Variants in ACSM6 observed in about 807,000 individuals in gnomAD.
ACSM6 encodes the protein acyl-coenzyme A synthetase ACSM6, mitochondrial.
A neutral mutation model predicts 51.1 loss-of-function variants in ACSM6; 35 were observed. The ratio of observed to expected loss-of-function variants is 0.69; its 90% confidence interval spans 0.52 to 0.91. ACSM6 has a LOEUF of 0.91. Among genes scored for constraint, ACSM6 ranks in the 40% least tolerant of loss-of-function variants. The pLI is 0.00. For synonymous variants in ACSM6, 172 were observed against 207.3 expected, an observed-to-expected ratio of 0.83 and a Z score of 1.46; for missense variants, 509 against 584.1, an observed-to-expected ratio of 0.87 and a Z score of 1.32.
At chr10:95,217,342 A>C (rs1199333628) in intron 8 of ACSM6, among the ~76,000 whole-genome samples, 4 of 116,152 alleles carry the variant, frequency 3.4e-5, no homozygotes, top group Non-Finnish European at 7.8e-5. Context: ...GTGAGACTCC[A>C]TCTCAAAAAA....
At chr10:95,204,318 G>A (rs552864877) in intron 3 of ACSM6, among the ~76,000 whole-genome samples, 1 of 152,280 alleles carries the variant, frequency 6.6e-6, no homozygotes, top group African/African-American at 2.4e-5. Flanking sequence ...TTGGGAGGCC[G>A]AGGTGGGAGG....
intron 5 of ACSM6, 32 bp from the exon 6 acceptor site, chr10:95,211,846 A>C: frequency 6.4e-7 from 1 of 1,562,654 alleles, no homozygotes; most frequent in Non-Finnish European, 8.6e-7. Context: ...CCAGCACGAG[A>C]GAATTCAAAT....
chr10:95,204,983 T>C lies in ACSM6; in HGVS notation c.404-2225T>C, dbSNP rs75925395. ...TGTGAGATCTGTCTGTGTGATTACA[T>C]CTGATGTGCCCTTTTGGTGGCATCC... On this transcript the variant is annotated intron_variant, in intron 3 of 10. Transcript: ENST00000341686. Among the ~76,000 whole-genome samples the C allele has an allele frequency of 3.9e-5, 6 of 152,336 alleles. No homozygotes were observed. The East Asian group carries it at 1.2e-3, about 29-fold the overall frequency.
At chr10:95,197,249 G>A (rs991105714) in intron 2 of ACSM6, among the ~76,000 whole-genome samples, 1 of 152,186 alleles carries the variant, frequency 6.6e-6, no homozygotes, top group Non-Finnish European at 1.5e-5. Flanking sequence ...GGTGGGACGA[G>A]AGACTGAGAA....
intron 3 of ACSM6, among the ~76,000 whole-genome samples, chr10:95,206,732 AG>A (rs2034842148): frequency 1.3e-5 from 2 of 152,202 alleles, no homozygotes; most frequent in South Asian, 4.1e-4. Flanking sequence ...GGTCCACAAT[AG>A]GTGTTCTATG....
chr10:95,211,901 C>A (rs1165252394), exon 6 of ACSM6: 3 of 1,610,198 alleles, frequency 1.9e-6, no homozygotes, highest in Non-Finnish European at 1.7e-6. Context: ...CTCCAGCCAA[C>A]AGATGTCTTG....
At chr10:95,204,766 G>A (rs1378013761) in intron 3 of ACSM6, among the ~76,000 whole-genome samples, 2 of 151,888 alleles carry the variant, frequency 1.3e-5, no homozygotes, top group African/African-American at 4.8e-5. Flanking sequence ...ATATAGGTGA[G>A]TACATAAACT....
chr10:95,212,984 T>A, intron 7 of ACSM6, 44 bp downstream of exon 7: 1 of 1,497,962 alleles, frequency 6.7e-7, no homozygotes, highest in Non-Finnish European at 9.3e-7. Flanking sequence ...CCACTCATGG[T>A]ACCATAAATA....
At chr10:95,214,706 G>C (rs2034926370) in intron 7 of ACSM6, 146 bp from the exon 8 acceptor site, 3 of 825,824 alleles carry the variant, frequency 3.6e-6, no homozygotes, top group Admixed American at 5.6e-5. Flanking sequence ...TTATCTAATA[G>C]AGTAGTATTA....
At chr10:95,228,436 A>G (rs917942918) in intron 10 of ACSM6, 2 of 443,920 alleles carry the variant, frequency 4.5e-6, no homozygotes, top group South Asian at 3.8e-5. Flanking sequence ...TCTAGCTGGG[A>G]CAAAAAAAAA....
intron 6 of ACSM6, among the ~76,000 whole-genome samples, chr10:95,212,534 C>G (rs1564589445): frequency 6.6e-6 from 1 of 152,162 alleles, no homozygotes; most frequent in Non-Finnish European, 1.5e-5. Flanking sequence ...CACAATTTTG[C>G]TGGCAACATC....
intron 9 of ACSM6, 105 bp from the exon 10 acceptor site, chr10:95,225,185 C>T (rs930882683): frequency 3.7e-6 from 3 of 813,428 alleles, no homozygotes; most frequent in Non-Finnish European, 5.9e-6. Context: ...ACTTTCCTGG[C>T]ATCTTAAATG....
intron 3 of ACSM6, 91 bp downstream of exon 3, chr10:95,202,286 T>C: frequency 1.8e-6 from 2 of 1,140,158 alleles, no homozygotes; most frequent in South Asian, 2.7e-5. Context: ...GAGGGATCTC[T>C]ATCTGATGCC....
At chr10:95,216,752 G>A (rs913675048) in intron 8 of ACSM6, among the ~76,000 whole-genome samples, 3 of 152,112 alleles carry the variant, frequency 2.0e-5, no homozygotes, top group African/African-American at 4.8e-5. Flanking sequence ...CCATGGAAGA[G>A]CCAGGTCTCT....
chr10:95,221,719 T>C (rs2034997270), intron 9 of ACSM6, among the ~76,000 whole-genome samples: 1 of 151,902 alleles, frequency 6.6e-6, no homozygotes, highest in African/African-American at 2.4e-5. Flanking sequence ...TACCAATAAC[T>C]AACAAAGAGA....
rs1189848100 is a variant in ACSM6 at position 95,219,979 on chromosome 10, A to T, written c.1200+8A>T. The T allele has an allele frequency of 6.3e-7, 1 of 1,588,812 alleles. No individual in the cohort carries two copies. The highest frequency in any genetic ancestry group is 8.6e-7 in the Non-Finnish European group (1 of 1,157,984). ...CCACCTTATATTGTCCAGGTAGGAG[A>T]TCATAGTAATGATTATGACAGATAT... On this transcript the variant is annotated splice_region_variant and intron_variant, in intron 9 of 10. Coordinates refer to ENST00000341686, the Ensembl canonical transcript of ACSM6.
rs1314525243 is a variant in ACSM6, at chr10:95,224,086, T to C, written c.1201-1204T>C. Among the ~76,000 whole-genome samples, 3 of 152,222 alleles carry C rather than the reference T, an allele frequency of 2.0e-5. No individual in the cohort carries two copies. The East Asian group carries it at 5.8e-4, about 29-fold the overall frequency. On this transcript the variant is annotated intron_variant, in intron 9 of 10. Transcript: ENST00000341686. ...TTAAATCTCATTTAAAAATGTATTC[T>C]CTAGATAATTCATCTAATTTACTAG...
chr10:95,214,900 C>T, exon 8 of ACSM6: 8 of 1,551,584 alleles, frequency 5.2e-6, no homozygotes, highest in Non-Finnish European at 7.0e-6. Flanking sequence ...GAGGACCCAT[C>T]AGCCCTGGGG....
At chr10:95,198,037 T>G (rs2034753725) in intron 2 of ACSM6, among the ~76,000 whole-genome samples, 1 of 152,196 alleles carries the variant, frequency 6.6e-6, no homozygotes, top group Non-Finnish European at 1.5e-5. Flanking sequence ...ATACAACACA[T>G]GTTTTTGTGA....
Sources: gnomAD v4.1 joint callset for allele counts (sites outside exome capture counted in the v4.1 genomes callset) on GRCh38, gnomAD v4.1.1 for gene constraint, MANE v1.5 for transcripts, NCBI Gene and HGNC (gene_info 2026-07-23, HGNC 2026-07-21) for gene names.